STON2: variants seen among roughly 807,000 people sequenced by gnomAD.
STON2 encodes the protein stonin 2, also known as stonin-2.
Under a neutral mutation model 65.7 loss-of-function variants are expected in STON2, and 29 were observed. That is an observed-to-expected ratio of 0.44 (90% confidence interval 0.33 to 0.60). The LOEUF is 0.60. Ranked by LOEUF, STON2 falls within the 20% of genes least tolerant of loss-of-function variation. The pLI is 0.03. For synonymous variants in STON2, 404 were observed against 414.2 expected (o/e 0.98, Z 0.30); for missense variants, 1,054 against 1,118.1 (o/e 0.94, Z 0.82).
rs1900981204 is a variant in STON2 at position 81,408,398 on chromosome 14, CA to C, written c.-198-9819del. Among the ~76,000 whole-genome samples the C allele has an allele frequency of 2.6e-5, 4 of 152,106 alleles. No individual in the cohort carries two copies. The South Asian group carries it at 8.3e-4, about 32-fold the overall frequency. On this transcript the variant is annotated intron_variant, in intron 2 of 8. Transcript: ENST00000553821. ...GTCAAACATGTATGAGAAAGAAGTCCAAAAGAAACAAATGTCATACTTTGAC... is the reference window on the plus strand; with the variant it reads ...GTCAAACATGTATGAGAAAGAAGTCCAAAGAAACAAATGTCATACTTTGAC...
intron 3 of STON2, among the ~76,000 whole-genome samples, chr14:81,372,583 T>C (rs1899056722): frequency 6.7e-6 from 1 of 148,440 alleles, no homozygotes; most frequent in Non-Finnish European, 1.5e-5. Context: ...AGAAGAATCA[T>C]ATCATTGCAA....
upstream of STON2, among the ~76,000 whole-genome samples, chr14:81,400,756 G>A (rs1900571509): frequency 6.6e-6 from 1 of 152,172 alleles, no homozygotes; most frequent in Non-Finnish European, 1.5e-5. Context: ...TGTGATCACA[G>A]GCCCAGGAGT....
chr14:81,396,283 G>T (rs1016587372), intron 2 of STON2, 105 bp from the exon 3 acceptor site: 1 of 1,048,746 alleles, frequency 9.5e-7, no homozygotes, highest in Admixed American at 2.5e-5. Flanking sequence ...CGCATGACTC[G>T]CCACTGCAGT....
chr14:81,355,336 G>T (rs1451596662), intron 4 of STON2, among the ~76,000 whole-genome samples: 1 of 152,084 alleles, frequency 6.6e-6, no homozygotes, highest in East Asian at 1.9e-4. Flanking sequence ...CGTTCACAAA[G>T]ACACATAATT....
chr14:81,301,614 A>G (rs556085642), intron 5 of STON2, among the ~76,000 whole-genome samples: 227 of 152,350 alleles, frequency 1.5e-3, no homozygotes, highest in African/African-American at 5.2e-3. Flanking sequence ...GAATGTCTGA[A>G]GACATTGAGA....
intron 5 of STON2, among the ~76,000 whole-genome samples, chr14:81,308,818 ATATATATGTG>A (rs1222157022): frequency 1.8e-4 from 2 of 10,816 alleles, no homozygotes; most frequent in South Asian, 6.3e-3. Flanking sequence ...ATATATATAT[ATATATATGTG>A]TGTGTGTGTA....
chr14:81,319,334 C>T (rs909684525), intron 5 of STON2, among the ~76,000 whole-genome samples: 18 of 151,622 alleles, frequency 1.2e-4, no homozygotes, highest in African/African-American at 4.4e-4. Context: ...TTTCAATTGA[C>T]TCTAAGATCC....
chr14:81,278,802 A>G lies in STON2; in HGVS notation c.743-63T>C. The G allele has an allele frequency of 7.6e-6, 10 of 1,313,318 alleles. No individual in the cohort carries two copies. The South Asian group carries it at 1.5e-4, about 19-fold the overall frequency. The allele number at this position is 1,313,318 out of a possible 1,614,324, so 81.4% of individuals were successfully genotyped here. ...GGGCTCTAGAGGTAAGGAAAACTGA[A>G]GTATAGGAATGAGGGATTACTAGAA... On this transcript the variant is annotated intron_variant, in intron 5 of 7. Coordinates refer to ENST00000614646, the MANE Select transcript of STON2 (RefSeq NM_001394390.1).
chr14:81,306,262 C>A (rs1896178893), intron 5 of STON2, among the ~76,000 whole-genome samples: 1 of 111,366 alleles, frequency 9.0e-6, no homozygotes, highest in East Asian at 3.0e-4. Context: ...TGGAGTTTCA[C>A]TCAGTCGCCC....
At chr14:81,306,265 A>T (rs112674346) in intron 5 of STON2, among the ~76,000 whole-genome samples, 10,891 of 115,392 alleles carry the variant, frequency 0.094, 675 homozygotes, top group African/African-American at 0.17. Context: ...AGTTTCACTC[A>T]GTCGCCCAGG....
intron 2 of STON2, 35 bp downstream of exon 2, chr14:81,398,260 A>G (rs766737452): frequency 2.0e-6 from 3 of 1,464,620 alleles, no homozygotes; most frequent in South Asian, 1.2e-5. Context: ...TTCTTTGACA[A>G]TCTCTTCACT....
intron 5 of STON2, among the ~76,000 whole-genome samples, chr14:81,280,822 C>A (rs1278384475): frequency 1.3e-5 from 2 of 151,948 alleles, no homozygotes; most frequent in Admixed American, 1.3e-4. Context: ...ACCAGCCTGG[C>A]AAAAATGGTG....
At chr14:81,290,284 T>C (rs953884485) in intron 5 of STON2, among the ~76,000 whole-genome samples, 1 of 152,190 alleles carries the variant, frequency 6.6e-6, no homozygotes, top group Admixed American at 6.5e-5. Context: ...GAAACAGTTA[T>C]AATAGTGCCA....
At chr14:81,399,928 G>A (rs1464206772) in intron 1 of STON2, among the ~76,000 whole-genome samples, 1 of 152,154 alleles carries the variant, frequency 6.6e-6, no homozygotes, top group Non-Finnish European at 1.5e-5. Context: ...ATAACAAGCA[G>A]GTGTGTTTGA....
chr14:81,420,196 T>C (rs762743131), intron 2 of STON2, among the ~76,000 whole-genome samples: 21 of 152,188 alleles, frequency 1.4e-4, no homozygotes, highest in Non-Finnish European at 2.8e-4. Flanking sequence ...GGCCGAATGA[T>C]TCAGTCCAGT....
rs1900289569 is a variant in STON2 at position 81,395,912 on chromosome 14, G to C, written c.355C>G (p.Gln119Glu). The C allele has an allele frequency of 1.2e-6, 2 of 1,614,064 alleles. No homozygotes were observed. Among genetic ancestry groups the C allele is most frequent in the Non-Finnish European group, 1.7e-6 (2 of 1,179,990 alleles). ...TCCTCACCTGTCTCAGCTGTTTCCT[G>C]ATGAGGTGGAGATGTGCTGGCCCAG... ...TPWASTSPPH[Q>E]ETAETALPLT... Residue 119 changes from glutamine to glutamate, a missense_variant, in exon 3 of 8, where the codon CAG becomes GAG. Physicochemically the swap from Gln to Glu is conservative, Grantham distance 29. Coordinates refer to ENST00000614646, the MANE Select transcript of STON2 (RefSeq NM_001394390.1).
intron 5 of STON2, among the ~76,000 whole-genome samples, chr14:81,291,330 G>A (rs541692310): frequency 1.5e-4 from 23 of 152,092 alleles, no homozygotes; most frequent in Non-Finnish European, 3.4e-4. Flanking sequence ...TACCAAAGAA[G>A]TACAGGAATT....
intron 5 of STON2, among the ~76,000 whole-genome samples, chr14:81,310,523 CG>C (rs1401274940): frequency 1.3e-5 from 2 of 152,176 alleles, no homozygotes; most frequent in East Asian, 3.8e-4. Context: ...GTAAGGTTTA[CG>C]TAAGACTGAG....
Position 81,261,816 on chromosome 14 carries a change from A to G in STON2, c.*6598T>C. The G allele has an allele frequency of 6.5e-7, 1 of 1,530,856 alleles. No homozygotes were observed. Among genetic ancestry groups the G allele is most frequent in the South Asian group, 1.2e-5 (1 of 83,082 alleles). 94.8% of individuals were successfully genotyped at this position (1,530,856 alleles called of 1,614,324 possible). A position where few individuals can be genotyped will look rare whatever the true frequency, so the allele number is the denominator to read the frequency against. On this transcript the variant is annotated 3_prime_UTR_variant, in exon 8 of 8. Transcript: ENST00000614646. Reference sequence around the variant, plus strand: ...TGTTCTGATAGATGATGCCAGTGGAACTTCCAAAGAAGCATTCCACCTGAT... The same window carrying G: ...TGTTCTGATAGATGATGCCAGTGGAGCTTCCAAAGAAGCATTCCACCTGAT...
Sources: allele counts gnomAD v4.1 joint callset (sites outside exome capture counted in the v4.1 genomes callset), GRCh38; gene constraint gnomAD v4.1.1; transcripts MANE v1.5; gene names NCBI Gene and HGNC (gene_info 2026-07-23, HGNC 2026-07-21).